The following MICAL2 variants were observed in gnomAD, a reference collection of about 807,000 sequenced individuals.
MICAL2 encodes the protein [F-actin]-monooxygenase MICAL2.
In MICAL2, 77 loss-of-function variants were observed where a neutral mutation model predicts 127.3. The ratio of observed to expected loss-of-function variants is 0.60; its 90% CI spans 0.50 to 0.73. The LOEUF (loss-of-function observed/expected upper bound fraction) is 0.73. MICAL2 is among the 30% of genes least tolerant of loss of function. The pLI is 0.00. For synonymous variants in MICAL2, 570 were observed against 551.1 expected (o/e 1.03, Z -0.48); for missense variants, 1,351 against 1,434.4 (o/e 0.94, Z 0.94).
intron 32 of MICAL2, among the ~76,000 whole-genome samples, chr11:12,348,393 C>T (rs1938990829): frequency 6.6e-6 from 1 of 151,866 alleles, no homozygotes; most frequent in Admixed American, 6.6e-5. Context: ...GTTGAGGAAC[C>T]CACAGATTTG....
chr11:12,244,666 T>C (rs1474897509), intron 21 of MICAL2, among the ~76,000 whole-genome samples: 4 of 152,044 alleles, frequency 2.6e-5, no homozygotes, highest in African/African-American at 9.7e-5. Flanking sequence ...GAGTGAGTGT[T>C]GAAGGTTCCA....
intron 1 of MICAL2, among the ~76,000 whole-genome samples, chr11:12,115,203 G>C (rs1206817775): frequency 6.6e-6 from 1 of 152,224 alleles, no homozygotes; most frequent in Non-Finnish European, 1.5e-5. Flanking sequence ...GTCTGAATTT[G>C]TTCTATAGAG....
chr11:12,241,111 C>T lies in MICAL2; in HGVS notation c.2286C>T (p.Cys762=). The change falls in exon 18 of 28, where the codon TGC becomes TGT. Residue 762 remains cysteine (C), a synonymous_variant. Transcript: ENST00000683283. ...CCGGCCCTCCTGTTCACTCTTGCTGCCCCAAGCCGGAGGAGGCCACACCCA... is the reference window on the plus strand; with the variant it reads ...CCGGCCCTCCTGTTCACTCTTGCTGTCCCAAGCCGGAGGAGGCCACACCCA... The part of the protein sequence containing the change: ...SSSGPPVHSC[C]PKPEEATPSP... The T allele has an allele frequency of 2.5e-6, 4 of 1,614,158 alleles. No homozygotes were observed. The highest frequency in any genetic ancestry group is 3.4e-6 in the Non-Finnish European group (4 of 1,180,018).
chr11:12,116,164 GAGACGGGGTTTCACTATGTTAGCC>G (rs1199637895), intron 1 of MICAL2, among the ~76,000 whole-genome samples: 3 of 151,438 alleles, frequency 2.0e-5, no homozygotes, highest in African/African-American at 7.3e-5. Flanking sequence ...ATTTTTAGTA[GAGACGGGGTTTCACTATGTTAGCC>G]AGGATGGTCT....
At chr11:12,168,942 G>A (rs1186370089) in intron 3 of MICAL2, among the ~76,000 whole-genome samples, 2 of 60,294 alleles carry the variant, frequency 3.3e-5, no homozygotes, top group African/African-American at 6.1e-5. Flanking sequence ...GCAAGATCCT[G>A]TCTCAAAAAA....
chr11:12,294,789 G>A (rs767133417), downstream of MICAL2: 57 of 1,565,074 alleles, frequency 3.6e-5, no homozygotes, highest in African/African-American at 1.2e-4. Context: ...ACCTCCCTGC[G>A]CCAGGCAGCT....
At chr11:12,309,570 C>T (rs1864149051) in intron 29 of MICAL2, among the ~76,000 whole-genome samples, 1 of 151,966 alleles carries the variant, frequency 6.6e-6, no homozygotes, top group African/African-American at 2.4e-5. Context: ...TTTCTTTATT[C>T]ATTCATCTGT....
intron 24 of MICAL2, among the ~76,000 whole-genome samples, chr11:12,269,667 G>A (rs1008567944): frequency 1.3e-5 from 2 of 152,204 alleles, no homozygotes; most frequent in South Asian, 2.1e-4. Context: ...GCTGAGGGCC[G>A]TGGGGAAGGG....
chr11:12,314,423 T>C (rs1411465779), intron 29 of MICAL2, among the ~76,000 whole-genome samples: 1 of 152,082 alleles, frequency 6.6e-6, no homozygotes, highest in Admixed American at 6.6e-5. Context: ...CTAAAATGAA[T>C]CTATATTAAA....
intron 2 of MICAL2, among the ~76,000 whole-genome samples, chr11:12,160,858 T>C (rs895462965): frequency 6.6e-6 from 1 of 152,230 alleles, no homozygotes. Context: ...CAGTAATTGT[T>C]GCTGAGTGAA....
chr11:12,226,416 T>C, intron 14 of MICAL2, 46 bp downstream of exon 14: 1 of 1,577,898 alleles, frequency 6.3e-7, no homozygotes, highest in Non-Finnish European at 8.7e-7. Context: ...GAGCCAACTC[T>C]GTCCCTGTCT....
Position 12,186,261 on chromosome 11 carries a change from C to CT in MICAL2, c.265-17980dup, listed in dbSNP as rs1295254052. On this transcript the variant is annotated intron_variant, in intron 3 of 27. Coordinates refer to ENST00000683283, the MANE Select transcript of MICAL2 (RefSeq NM_001282663.2). ...AGACATGGCTTGGGGGAGTTTTTTTCTTTTTTTTTCTTTTTTTGGTTTGAC... is the reference window on the plus strand; with the variant it reads ...AGACATGGCTTGGGGGAGTTTTTTTCTTTTTTTTTTCTTTTTTTGGTTTGAC... 9.9e-5 allele frequency among the ~76,000 whole-genome samples: 15 copies of CT among 151,500 alleles called. No homozygotes were observed. The South Asian group carries it at 1.0e-3, about 11-fold the overall frequency.
chr11:12,347,190 T>A (rs757736182), intron 32 of MICAL2, among the ~76,000 whole-genome samples: 16 of 152,168 alleles, frequency 1.1e-4, no homozygotes, highest in Non-Finnish European at 1.5e-4. Context: ...TCAAAAGTGT[T>A]ACCTGTTCTT....
At chr11:12,314,559 AG>A (rs1437963167) in intron 29 of MICAL2, among the ~76,000 whole-genome samples, 1 of 151,846 alleles carries the variant, frequency 6.6e-6, no homozygotes, top group Non-Finnish European at 1.5e-5. Flanking sequence ...GCTCACTGAA[AG>A]TTCCGTCTCC....
intron 32 of MICAL2, among the ~76,000 whole-genome samples, chr11:12,329,956 G>C (rs1864397536): frequency 6.6e-6 from 1 of 151,400 alleles, no homozygotes. Flanking sequence ...GGTGTGCCAA[G>C]CCAGACAGAA....
At chr11:12,140,042 G>A (rs910727817) in intron 2 of MICAL2, among the ~76,000 whole-genome samples, 1 of 151,990 alleles carries the variant, frequency 6.6e-6, no homozygotes, top group Non-Finnish European at 1.5e-5. Context: ...TTGAGGACTG[G>A]GACTGACTGC....
intron 29 of MICAL2, among the ~76,000 whole-genome samples, chr11:12,300,901 C>G (rs1275054808): frequency 6.6e-6 from 1 of 152,168 alleles, no homozygotes. Context: ...CAAGTATATA[C>G]TCTTTTGTGC....
At chr11:12,236,944 G>T (rs1244408405) in intron 16 of MICAL2, among the ~76,000 whole-genome samples, 2 of 152,356 alleles carry the variant, frequency 1.3e-5, no homozygotes, top group East Asian at 3.9e-4. Context: ...ACCTCAAAAT[G>T]ATGACTTAGA....
intron 1 of MICAL2, among the ~76,000 whole-genome samples, chr11:12,118,196 A>C (rs1404630238): frequency 6.6e-6 from 1 of 151,972 alleles, no homozygotes; most frequent in Admixed American, 6.5e-5. Context: ...ACATACATAC[A>C]TATGTGTGTG....
Sources: gnomAD v4.1 joint callset for allele counts (sites outside exome capture counted in the v4.1 genomes callset) on GRCh38, gnomAD v4.1.1 for gene constraint, MANE v1.5 for transcripts, NCBI Gene and HGNC (gene_info 2026-07-23, HGNC 2026-07-21) for gene names.